SNX25: variants seen among roughly 807,000 people sequenced by gnomAD.
SNX25 encodes sorting nexin 25.
In SNX25, 62 loss-of-function variants were observed where a neutral mutation model predicts 113.7. The ratio of observed to expected loss-of-function variants is 0.55; its 90% CI spans 0.44 to 0.67. SNX25 has a LOEUF of 0.67. Among genes scored for constraint, SNX25 ranks in the 30% least tolerant of loss-of-function variants. The pLI is 0.00. For synonymous variants in SNX25, 421 were observed against 436.2 expected, an observed-to-expected ratio of 0.97 and a Z score of 0.43; for missense variants, 1,014 against 1,161.0, an observed-to-expected ratio of 0.87 and a Z score of 1.84.
chr4:185,252,600 A>C (rs114040925), intron 2 of SNX25, among the ~76,000 whole-genome samples: 1,691 of 152,176 alleles, frequency 0.011, 17 homozygotes, highest in Non-Finnish European at 0.019. Flanking sequence ...AGAGTGTGTA[A>C]TTTAAAAACA....
intron 5 of SNX25, among the ~76,000 whole-genome samples, chr4:185,274,730 G>A (rs1312453301): frequency 3.3e-5 from 5 of 152,330 alleles, no homozygotes; most frequent in African/African-American, 4.8e-5. Context: ...TATCTATTAT[G>A]TATTAAGCAC....
chr4:185,346,774 AT>A, intron 13 of SNX25, 124 bp downstream of exon 13: 1 of 608,076 alleles, frequency 1.6e-6, no homozygotes, highest in East Asian at 3.2e-5. Context: ...TGCTAAAAAA[AT>A]ATCTTGGGTG....
intron 11 of SNX25, among the ~76,000 whole-genome samples, 159 bp from the exon 12 acceptor site, chr4:185,341,817 C>CTTAG (rs539621328): frequency 1.2e-3 from 187 of 152,308 alleles, no homozygotes; most frequent in African/African-American, 4.4e-3. Flanking sequence ...TATAATGTAT[C>CTTAG]TTAGTTACTA....
chr4:185,367,294 G>T (rs1561070552), downstream of SNX25: 7 of 1,459,256 alleles, frequency 4.8e-6, no homozygotes, highest in South Asian at 5.0e-5. Context: ...AATTGTTTGG[G>T]TCTTTCTTCT....
rs118155148 is a variant in SNX25 at position 185,290,282 on chromosome 4, A to G, written c.1162+2200A>G. 5.9e-5 allele frequency among the ~76,000 whole-genome samples: 9 copies of G among 152,324 alleles called. No individual in the cohort carries two copies. The East Asian group carries it at 1.3e-3, about 23-fold the overall frequency. On this transcript the variant is annotated intron_variant, in intron 6 of 18. Transcript: ENST00000652585. ...TCAGCCCATAACAGTTATGTTACAG[A>G]CATTCTCAGTGACCCTTGATTCTTG...
At chr4:185,304,507 G>A (rs1005225638) in intron 6 of SNX25, among the ~76,000 whole-genome samples, 7 of 152,050 alleles carry the variant, frequency 4.6e-5, no homozygotes, top group Admixed American at 2.0e-4. Context: ...ACAGGCATGC[G>A]CCACCATGCC....
chr4:185,239,288 C>T (rs560805612), intron 1 of SNX25, among the ~76,000 whole-genome samples: 10 of 151,808 alleles, frequency 6.6e-5, no homozygotes, highest in South Asian at 6.2e-4. Flanking sequence ...TCGAGACCAT[C>T]CTGGCCAACA....
chr4:185,331,110 C>G (rs2095191627), intron 9 of SNX25, among the ~76,000 whole-genome samples: 1 of 152,206 alleles, frequency 6.6e-6, no homozygotes, highest in Non-Finnish European at 1.5e-5. Flanking sequence ...CATAACTGAC[C>G]TTTCCAGAGC....
At chr4:185,246,462 A>C (rs542085165) in intron 1 of SNX25, among the ~76,000 whole-genome samples, 6 of 152,216 alleles carry the variant, frequency 3.9e-5, no homozygotes, top group Admixed American at 3.3e-4. Context: ...TCATTGCTCT[A>C]ATTTGCATTC....
intron 1 of SNX25, among the ~76,000 whole-genome samples, chr4:185,246,525 G>GT (rs991098153): frequency 3.9e-5 from 6 of 151,926 alleles, no homozygotes; most frequent in African/African-American, 1.5e-4. Flanking sequence ...TTGGTCATTT[G>GT]TTTATCTTTT....
At chr4:185,252,908 T>G (rs2126503407) in intron 2 of SNX25, among the ~76,000 whole-genome samples, 1 of 152,308 alleles carries the variant, frequency 6.6e-6, no homozygotes, top group South Asian at 2.1e-4. Context: ...ACTGCTCTGT[T>G]TTGTTAGCCA....
At chr4:185,319,072 T>A (rs971828817) in intron 7 of SNX25, among the ~76,000 whole-genome samples, 9 of 147,468 alleles carry the variant, frequency 6.1e-5, no homozygotes, top group African/African-American at 2.0e-4. Flanking sequence ...CAGCCCACTT[T>A]TCCCCTTTAT....
At chr4:185,249,119 C>G (rs890199394) in intron 2 of SNX25, among the ~76,000 whole-genome samples, 1 of 152,150 alleles carries the variant, frequency 6.6e-6, no homozygotes, top group South Asian at 2.1e-4. Context: ...TTGCTATCAA[C>G]AGATATTTCA....
rs770014743 is a variant in SNX25 at position 185,351,444 on chromosome 4, G to T, written c.2302-1G>T. On this transcript the variant is annotated splice_acceptor_variant, in intron 13 of 18. Coordinates refer to ENST00000652585, the MANE Select transcript of SNX25 (RefSeq NM_001378034.2). LOFTEE classifies it high-confidence loss of function. ...AGCAGTTAATCCTCTTTCTTCCATA[G>T]AATCTGCTTTCAGATGAAAGACTGT... is the stretch of plus-strand genomic sequence containing the variant. 1 of 1,612,974 alleles carries T rather than the reference G, an allele frequency of 6.2e-7. No individual in the cohort carries two copies. The highest frequency in any genetic ancestry group is 8.5e-7 in the Non-Finnish European group (1 of 1,179,714).
chr4:185,210,338 G>C lies in SNX25; in HGVS notation c.429+83G>C. On this transcript the variant is annotated intron_variant, in intron 1 of 18. Transcript: ENST00000652585. The surrounding 1 kb of genome is among the most constrained non-coding windows in gnomAD (Gnocchi z 4.4). ...GCTCCCGCGCCCCGAGCTCCGGGGGGCCGCGGCATGCCCTTGTCGAAGCGG... is the reference window on the plus strand; with the variant it reads ...GCTCCCGCGCCCCGAGCTCCGGGGGCCCGCGGCATGCCCTTGTCGAAGCGG... 1 of 982,594 alleles carries C rather than the reference G, an allele frequency of 1.0e-6. No homozygotes were observed. Among genetic ancestry groups the C allele is most frequent in the Middle Eastern group, 5.2e-4 (1 of 1,908 alleles). The allele number at this position is 982,594 out of a possible 1,614,324, so 60.9% of individuals were successfully genotyped here.
downstream of SNX25, chr4:185,364,890 TGTTAA>T (rs1447416543): frequency 1.3e-5 from 2 of 152,256 alleles, no homozygotes; most frequent in African/African-American, 4.8e-5. Context: ...AAACTGTAGC[TGTTAA>T]GTTTACATTG....
At chr4:185,298,249 G>A (rs571372665) in intron 6 of SNX25, among the ~76,000 whole-genome samples, 2 of 151,594 alleles carry the variant, frequency 1.3e-5, no homozygotes, top group Admixed American at 1.3e-4. Context: ...CCACCACACC[G>A]GGCTAATTTT....
At chr4:185,368,159 C>A (rs1579962954), downstream of SNX25, among the ~76,000 whole-genome samples, 2 of 152,190 alleles carry the variant, frequency 1.3e-5, no homozygotes, top group African/African-American at 4.8e-5. Context: ...GCCTGGGCAA[C>A]AGAGCCAGAC....
intron 1 of SNX25, among the ~76,000 whole-genome samples, chr4:185,226,961 T>A (rs1272192446): frequency 6.6e-6 from 1 of 152,218 alleles, no homozygotes; most frequent in African/African-American, 2.4e-5. Context: ...AGCTCAGGGC[T>A]AGGGCAGGCT....
Sources: allele counts gnomAD v4.1 joint callset (sites outside exome capture counted in the v4.1 genomes callset), GRCh38; gene constraint gnomAD v4.1.1; non-coding constraint Gnocchi (gnomAD v3.1); transcripts MANE v1.5; gene names NCBI Gene and HGNC (gene_info 2026-07-23, HGNC 2026-07-21).